SLAIN1: variants seen among roughly 807,000 people sequenced by gnomAD.
The protein encoded by SLAIN1 is SLAIN motif-containing protein 1.
A neutral mutation model predicts 55.4 loss-of-function variants in SLAIN1; 17 were observed. The ratio of observed to expected loss-of-function variants is 0.31; its 90% CI spans 0.21 to 0.46. The LOEUF (loss-of-function observed/expected upper bound fraction) is 0.46, where lower values mean the gene tolerates loss of function less well. Among genes scored for constraint, SLAIN1 ranks in the 20% least tolerant of loss-of-function variants. The pLI, the probability that SLAIN1 is intolerant of heterozygous loss-of-function variation, is 1.00. For synonymous variants in SLAIN1, 348 were observed against 337.4 expected, an observed-to-expected ratio of 1.03 and a Z score of -0.35; for missense variants, 682 against 785.1, an observed-to-expected ratio of 0.87 and a Z score of 1.57.
At chr13:77,716,478 A>G (rs2091209017) in intron 1 of SLAIN1, among the ~76,000 whole-genome samples, 1 of 152,086 alleles carries the variant, frequency 6.6e-6, no homozygotes, top group African/African-American at 2.4e-5. Flanking sequence ...GAGAATTGAC[A>G]TCTTAATATT....
Position 77,714,606 on chromosome 13 carries a change from A to G in SLAIN1, c.627-4926A>G, listed in dbSNP as rs774009705. On this transcript the variant is annotated intron_variant, in intron 1 of 6. Transcript: ENST00000418532. Reference sequence around the variant, plus strand: ...CCAGCCTGGGTGACAGAGCAAGACCATGTCTCAAAACAGAACAAACAAAAC... The same window carrying G: ...CCAGCCTGGGTGACAGAGCAAGACCGTGTCTCAAAACAGAACAAACAAAAC... Among the ~76,000 whole-genome samples, 5 of 152,246 alleles carry G rather than the reference A, an allele frequency of 3.3e-5. No individual in the cohort carries two copies. The East Asian group carries it at 5.8e-4, about 18-fold the overall frequency.
rs1468561449 is a variant in SLAIN1, at chr13:77,704,363, TAC to T, written c.626+5826_626+5827del. 1.8e-4 allele frequency among the ~76,000 whole-genome samples: 19 copies of T among 104,258 alleles called. 1 individual carries two copies. The highest frequency in any genetic ancestry group is 3.4e-4 in the Non-Finnish European group (18 of 53,200). 68.4% of individuals were successfully genotyped at this position (104,258 alleles called of 152,430 possible). A position where few individuals can be genotyped will look rare whatever the true frequency, so the allele number is the denominator to read the frequency against. ...TGTATATATACATAGAAACTGTATA[TAC>T]AGAGGTTTTATATGTATATATACAT... On this transcript the variant is annotated intron_variant, in intron 1 of 6. Coordinates refer to ENST00000418532, the MANE Select transcript of SLAIN1 (RefSeq NM_001242868.2).
At chr13:77,708,387 C>T (rs916661977) in intron 1 of SLAIN1, among the ~76,000 whole-genome samples, 1 of 152,156 alleles carries the variant, frequency 6.6e-6, no homozygotes, top group Non-Finnish European at 1.5e-5. Context: ...AGGTAACAGG[C>T]AGAGCCGTGC....
At chr13:77,711,772 A>G (rs1002045379) in intron 1 of SLAIN1, among the ~76,000 whole-genome samples, 86 of 152,178 alleles carry the variant, frequency 5.7e-4, no homozygotes, top group Admixed American at 5.5e-3. Flanking sequence ...GACACAAATA[A>G]AAAAGAAAAT....
intron 4 of SLAIN1, among the ~76,000 whole-genome samples, chr13:77,751,869 G>A (rs936876461): frequency 7.9e-5 from 12 of 152,072 alleles, no homozygotes; most frequent in African/African-American, 2.7e-4. Flanking sequence ...CTTAGTACTC[G>A]TATATATGCT....
Position 77,760,878 on chromosome 13 carries a change from C to T in SLAIN1, c.1465C>T (p.Pro489Ser), listed in dbSNP as rs771068539. ...CAGGGTCCACAGCGTGGGGCATTTCCCAGTGTCTATCCGACAGCCTCTTAA... is the reference window on the plus strand; with the variant it reads ...CAGGGTCCACAGCGTGGGGCATTTCTCAGTGTCTATCCGACAGCCTCTTAA... ...QHRVHSVGHF[P>S]VSIRQPLKAT... The change falls in exon 6 of 7, where the codon CCA becomes TCA. Residue 489 changes from proline to serine, a missense_variant. Physicochemically the swap from Pro to Ser is moderately conservative, Grantham distance 74. This residue lies in a region of SLAIN1 where 244 missense variants were observed against 295.2 expected (regional missense o/e 0.83). Coordinates refer to ENST00000418532, the MANE Select transcript of SLAIN1 (RefSeq NM_001242868.2). 6.2e-7 allele frequency: 1 copy of T among 1,614,090 alleles called. No individual in the cohort carries two copies. The highest frequency in any genetic ancestry group is 8.5e-7 in the Non-Finnish European group (1 of 1,180,010).
At chr13:77,717,274 C>T (rs147577423) in intron 1 of SLAIN1, among the ~76,000 whole-genome samples, 190 of 151,970 alleles carry the variant, frequency 1.3e-3, no homozygotes, top group African/African-American at 4.2e-3. Context: ...TGATATTGGC[C>T]GTTAGTTTCT....
intron 2 of SLAIN1, among the ~76,000 whole-genome samples, chr13:77,724,514 A>G (rs2091290147): frequency 1.3e-5 from 2 of 152,136 alleles, no homozygotes. Context: ...TTTAACTCTT[A>G]CTGTAGTGTG....
chr13:77,762,325 G>T (rs1310054730), intron 6 of SLAIN1, among the ~76,000 whole-genome samples: 1 of 152,198 alleles, frequency 6.6e-6, no homozygotes, highest in Admixed American at 6.5e-5. Context: ...AAAGGTCACT[G>T]CTAGACAATG....
At chr13:77,733,279 A>G (rs1377858188) in intron 2 of SLAIN1, among the ~76,000 whole-genome samples, 1 of 152,168 alleles carries the variant, frequency 6.6e-6, no homozygotes, top group African/African-American at 2.4e-5. Context: ...CTTAATCCTA[A>G]TATCAAAAGT....
Position 77,697,717 on chromosome 13 carries a change from A to G in SLAIN1, c.-197A>G, listed in dbSNP as rs905643254. On this transcript the variant is annotated 5_prime_UTR_variant, in exon 1 of 7. Coordinates refer to ENST00000418532, the MANE Select transcript of SLAIN1 (RefSeq NM_001242868.2). Reference sequence around the variant, plus strand: ...CTGGAGGGACGCACTGAGCATGTGCAGATCAGCTCGGTGGTGGCTGCCGCG... The same window carrying G: ...CTGGAGGGACGCACTGAGCATGTGCGGATCAGCTCGGTGGTGGCTGCCGCG... The G allele has an allele frequency of 1.0e-5, 3 of 286,764 alleles. No individual in the cohort carries two copies. Among genetic ancestry groups the G allele is most frequent in the Non-Finnish European group, 1.8e-5 (3 of 168,250 alleles). The allele number at this position is 286,764 out of a possible 1,614,324, so 17.8% of individuals were successfully genotyped here. A position where few individuals can be genotyped will look rare whatever the true frequency, so the allele number is the denominator to read the frequency against.
At chr13:77,713,059 T>C (rs891287973) in intron 1 of SLAIN1, among the ~76,000 whole-genome samples, 3 of 151,994 alleles carry the variant, frequency 2.0e-5, no homozygotes, top group African/African-American at 7.3e-5. Flanking sequence ...AAAAATTAAC[T>C]CAAGATAGAT....
chr13:77,727,347 G>A (rs2091316211), intron 2 of SLAIN1, among the ~76,000 whole-genome samples: 1 of 151,692 alleles, frequency 6.6e-6, no homozygotes, highest in South Asian at 2.1e-4. Flanking sequence ...TGAATTGCCA[G>A]TGCTTAATAA....
chr13:77,707,360 TTG>T (rs147518957), intron 1 of SLAIN1, among the ~76,000 whole-genome samples: 4 of 151,548 alleles, frequency 2.6e-5, no homozygotes, highest in Admixed American at 1.3e-4. Flanking sequence ...ATGTGTGTGC[TTG>T]TGTGTGTGTG....
chr13:77,702,505 G>GAGT (rs772189633), intron 1 of SLAIN1, among the ~76,000 whole-genome samples: 3 of 152,114 alleles, frequency 2.0e-5, no homozygotes, highest in Non-Finnish European at 4.4e-5. Context: ...AGTACAAACA[G>GAGT]AGTAATTCAG....
At chr13:77,708,039 G>T (rs962132690) in intron 1 of SLAIN1, among the ~76,000 whole-genome samples, 1 of 152,148 alleles carries the variant, frequency 6.6e-6, no homozygotes, top group Non-Finnish European at 1.5e-5. Context: ...TGCGGAGTGG[G>T]AATGAGATAT....
chr13:77,762,569 GA>G (rs201987929), intron 6 of SLAIN1, among the ~76,000 whole-genome samples: 3 of 150,302 alleles, frequency 2.0e-5, no homozygotes, highest in Non-Finnish European at 3.0e-5. Context: ...CAGATAATTT[GA>G]AAAAAAAATT....
At chr13:77,730,454 A>G (rs1872799666) in intron 2 of SLAIN1, among the ~76,000 whole-genome samples, 1 of 152,190 alleles carries the variant, frequency 6.6e-6, no homozygotes, top group African/African-American at 2.4e-5. Context: ...TTTTTCATTA[A>G]TATCCCAAAT....
rs2154411198 is a variant in SLAIN1 at position 77,763,111 on chromosome 13, A to C, written c.1698-34A>C. The C allele has an allele frequency of 1.3e-6, 2 of 1,565,340 alleles. 1 individual carries two copies. The highest frequency in any genetic ancestry group is 4.5e-5 in the East Asian group (2 of 44,634). ...TGATGTGACTCATAGGATTATTAAC[A>C]ATCTCTCTCTCTGTTTTTCTTGTCT... On this transcript the variant is annotated intron_variant, in intron 6 of 6. Transcript: ENST00000418532.
Sources: allele counts gnomAD v4.1 joint callset (sites outside exome capture counted in the v4.1 genomes callset), GRCh38; gene constraint gnomAD v4.1.1; regional missense constraint gnomAD v4.1.1; transcripts MANE v1.5; gene names NCBI Gene and HGNC (gene_info 2026-07-23, HGNC 2026-07-21).